The following POMK variants were observed in gnomAD, a reference collection of about 807,000 sequenced individuals.
POMK encodes protein O-mannose kinase, also known as Sugen kinase 196.
In POMK, 19 loss-of-function variants were observed where a neutral mutation model predicts 23.0. The ratio of observed to expected loss-of-function variants is 0.83; its 90% CI spans 0.58 to 1.21. The LOEUF (loss-of-function observed/expected upper bound fraction) is 1.21, where lower values mean the gene tolerates loss of function less well. POMK is among the 50% of genes most tolerant of loss of function. The pLI is 0.00. For synonymous variants in POMK, 173 were observed against 171.6 expected, an observed-to-expected ratio of 1.01 and a Z score of -0.06; for missense variants, 410 against 431.3, an observed-to-expected ratio of 0.95 and a Z score of 0.44.
rs1811939199 is a variant in POMK at position 43,122,440 on chromosome 8, A to G, written c.616A>G (p.Asn206Asp). The change falls in exon 5 of 5, where the codon AAC becomes GAC. Residue 206 changes from asparagine (N) to aspartate (D), a missense_variant. Transcript: ENST00000331373. ...PVGTRVMCDS[N>D]DLPKTLSQYL... is the part of the protein sequence containing the mutation. ...GGGCACACGGGTCATGTGCGACTCCAACGACCTGCCGAAGACACTGTCCCA... is the reference window on the plus strand; with the variant it reads ...GGGCACACGGGTCATGTGCGACTCCGACGACCTGCCGAAGACACTGTCCCA... 4 of 1,614,160 alleles carry G rather than the reference A, an allele frequency of 2.5e-6. No individual in the cohort carries two copies. The highest frequency in any genetic ancestry group is 3.4e-6 in the Non-Finnish European group (4 of 1,180,020).
rs1421977254 is a variant in POMK, at chr8:43,103,709, A to G, written c.161A>G (p.His54Arg). The change falls in exon 4 of 5, where the codon CAC becomes CGC. Residue 54 changes from histidine to arginine, a missense_variant. Physicochemically the swap from His to Arg is conservative, Grantham distance 29. Transcript: ENST00000331373. ...CGACAATCCACTGTGGACCCCACAC[A>G]CTGTCCCTATGGTCACTTCAGGATA... ...APRQSTVDPTHCPYGHFRIGQ... is the reference protein window; with the variant it reads ...APRQSTVDPTRCPYGHFRIGQ... 4 of 1,614,156 alleles carry G rather than the reference A, an allele frequency of 2.5e-6. No homozygotes were observed. The highest frequency in any genetic ancestry group is 3.4e-6 in the Non-Finnish European group (4 of 1,180,030).
At chr8:43,097,349 G>T (rs1348867908) in intron 1 of POMK, among the ~76,000 whole-genome samples, 175 bp from the exon 2 acceptor site, 1 of 152,198 alleles carries the variant, frequency 6.6e-6, no homozygotes, top group Non-Finnish European at 1.5e-5. Flanking sequence ...TGAAGATAGT[G>T]ATCACTTCTT....
In POMK at chr8:43,122,893, A is replaced by C; in HGVS notation, c.*16A>C. The stretch of plus-strand genomic sequence containing the variant: ...GATGCTGTGAAAACCAGTCCAGCCA[A>C]TGAAGGTGGGATTGAAGGGCTGAAT... On this transcript the variant is annotated 3_prime_UTR_variant, in exon 5 of 5. Coordinates refer to ENST00000331373, the MANE Select transcript of POMK (RefSeq NM_032237.5). 1 of 1,588,614 alleles carries C rather than the reference A, an allele frequency of 6.3e-7. No homozygotes were observed. The highest frequency in any genetic ancestry group is 8.6e-7 in the Non-Finnish European group (1 of 1,169,372).
chr8:43,113,606 A>T (rs1206965943), intron 4 of POMK, among the ~76,000 whole-genome samples: 2 of 152,234 alleles, frequency 1.3e-5, no homozygotes, highest in African/African-American at 4.8e-5. Flanking sequence ...TTCTTCTCTG[A>T]ACTCGTCAAA....
chr8:43,110,810 A>C (rs1421434700), intron 4 of POMK, among the ~76,000 whole-genome samples: 3 of 152,072 alleles, frequency 2.0e-5, no homozygotes, highest in Non-Finnish European at 4.4e-5. Flanking sequence ...GCTACTCGGG[A>C]GGCTGAGGCA....
rs369108802 is a variant in POMK, at chr8:43,103,563, C to G, written c.15C>G (p.Pro5=). MEKQ[P]QNSRRGLAPR... ...AGGCCGTCAACATGGAAAAGCAGCCCCAGAACAGCAGGAGAGGCCTCGCCC... is the reference window on the plus strand; with the variant it reads ...AGGCCGTCAACATGGAAAAGCAGCCGCAGAACAGCAGGAGAGGCCTCGCCC... The change falls in exon 4 of 5, where the codon CCC becomes CCG. Residue 5 remains proline, a synonymous_variant. Coordinates refer to ENST00000331373, the MANE Select transcript of POMK (RefSeq NM_032237.5). 2.5e-6 allele frequency: 4 copies of G among 1,614,040 alleles called. No individual in the cohort carries two copies. The highest frequency in any genetic ancestry group is 3.4e-6 in the Non-Finnish European group (4 of 1,179,978).
At chr8:43,114,688 A>C (rs185371480) in intron 4 of POMK, among the ~76,000 whole-genome samples, 5 of 152,122 alleles carry the variant, frequency 3.3e-5, no homozygotes, top group African/African-American at 1.2e-4. Flanking sequence ...TGCAGAAATC[A>C]CCTGTCTTCT....
Position 43,122,706 on chromosome 8 carries a change from G to A in POMK, c.882G>A (p.Gly294=), listed in dbSNP as rs56282240. Residue 294 remains glycine, a synonymous_variant, in exon 5 of 5, where the codon GGG becomes GGA. Transcript: ENST00000331373. The part of the protein sequence containing the change: ...KIPDISSFLL[G]HIEGSDMVRF... ...CAGACATCTCCAGTTTCCTTCTGGGGCACATTGAAGGGAGTGATATGGTCC... is the reference window on the plus strand; with the variant it reads ...CAGACATCTCCAGTTTCCTTCTGGGACACATTGAAGGGAGTGATATGGTCC... The A allele has an allele frequency of 8.9e-4, 1,438 of 1,614,136 alleles. 2 individuals are homozygous for A. The highest frequency in any genetic ancestry group is 9.4e-4 in the Non-Finnish European group (1,107 of 1,180,018).
At position 43,122,418 on chromosome 8, in the gene POMK, C is replaced by CA. The variant is rs1402681821; in HGVS notation, c.595dup (p.Thr199AsnfsTer29). 4 of 1,614,040 alleles carry CA rather than the reference C, an allele frequency of 2.5e-6. No homozygotes were observed. In the African/African-American group the frequency reaches 5.3e-5, roughly 22 times the overall value. On this transcript the variant is annotated frameshift_variant, in exon 5 of 5. Coordinates refer to ENST00000331373, the MANE Select transcript of POMK (RefSeq NM_032237.5). LOFTEE classifies it high-confidence loss of function. Reference sequence around the variant, plus strand: ...ATTACCTGCACCACAGCCCTGTGGGCACACGGGTCATGTGCGACTCCAACG... The same window carrying CA: ...ATTACCTGCACCACAGCCCTGTGGGCAACACGGGTCATGTGCGACTCCAACG...
chr8:43,099,321 GA>G (rs1188224165), intron 2 of POMK, among the ~76,000 whole-genome samples: 4 of 152,192 alleles, frequency 2.6e-5, no homozygotes, highest in African/African-American at 9.7e-5. Context: ...TCCACATGGA[GA>G]TGTCAAGGAA....
intron 4 of POMK, among the ~76,000 whole-genome samples, chr8:43,112,927 A>G (rs928960392): frequency 2.0e-5 from 3 of 152,356 alleles, no homozygotes; most frequent in African/African-American, 7.2e-5. Context: ...CTAAACATGG[A>G]AAGGAACAAC....
At chr8:43,115,308 T>C (rs923906034) in intron 4 of POMK, among the ~76,000 whole-genome samples, 2 of 152,172 alleles carry the variant, frequency 1.3e-5, no homozygotes, top group African/African-American at 4.8e-5. Context: ...TCTGGCTTCA[T>C]CTGTGCAGAG....
chr8:43,095,345 TA>T (rs1313582484), intron 1 of POMK, among the ~76,000 whole-genome samples: 21 of 152,246 alleles, frequency 1.4e-4, no homozygotes, highest in Non-Finnish European at 1.0e-4. Context: ...AATTTTGGGG[TA>T]TTTTTTTTAT....
Position 43,122,830 on chromosome 8 carries a change from G to A in POMK, c.1006G>A (p.Asp336Asn), listed in dbSNP as rs113361507. 1,516 of 1,613,846 alleles carry A rather than the reference G, an allele frequency of 9.4e-4. 18 individuals carry two copies. In the South Asian group the frequency reaches 9.4e-3, roughly 10 times the overall value. The change falls in exon 5 of 5, where the codon GAT becomes AAT. Residue 336 changes from aspartate to asparagine, a missense_variant. Coordinates refer to ENST00000331373, the MANE Select transcript of POMK (RefSeq NM_032237.5). ...DVLETYQKVL[D>N]TLRDAMMSQA... ...TCTGGAGACCTACCAGAAGGTCTTGGATACACTTAGAGATGCCATGATGTC... is the reference window on the plus strand; with the variant it reads ...TCTGGAGACCTACCAGAAGGTCTTGAATACACTTAGAGATGCCATGATGTC...
chr8:43,095,020 C>A (rs1322040239), intron 1 of POMK, among the ~76,000 whole-genome samples: 1 of 152,172 alleles, frequency 6.6e-6, no homozygotes, highest in Admixed American at 6.6e-5. Flanking sequence ...CAGAATATGC[C>A]TGTGAAACAA....
At chr8:43,094,088 ACTTT>A (rs1811281639) in intron 1 of POMK, among the ~76,000 whole-genome samples, 1 of 152,174 alleles carries the variant, frequency 6.6e-6, no homozygotes, top group African/African-American at 2.4e-5. Flanking sequence ...TATTATTATT[ACTTT>A]ATCATTATTA....
chr8:43,118,200 TG>T (rs1275345080), intron 4 of POMK, among the ~76,000 whole-genome samples: 1 of 152,178 alleles, frequency 6.6e-6, no homozygotes, highest in Admixed American at 6.5e-5. Flanking sequence ...GTAGGTATTA[TG>T]CCCACACTAT....
At chr8:43,114,981 T>G (rs1214779123) in intron 4 of POMK, among the ~76,000 whole-genome samples, 1 of 152,242 alleles carries the variant, frequency 6.6e-6, no homozygotes, top group Non-Finnish European at 1.5e-5. Context: ...AAGGGCCTGT[T>G]GTATAGTACA....
intron 4 of POMK, among the ~76,000 whole-genome samples, chr8:43,114,380 C>G (rs899978024): frequency 1.3e-5 from 2 of 152,190 alleles, no homozygotes; most frequent in African/African-American, 4.8e-5. Context: ...TGCTAGCAAT[C>G]AGTGAGACTC....
Sources: gnomAD v4.1 joint callset for allele counts (sites outside exome capture counted in the v4.1 genomes callset) on GRCh38, gnomAD v4.1.1 for gene constraint, MANE v1.5 for transcripts, NCBI Gene and HGNC (gene_info 2026-07-23, HGNC 2026-07-21) for gene names.